FSTL4: variants seen among roughly 807,000 people sequenced by gnomAD.
FSTL4 encodes the protein follistatin like 4, also known as follistatin-related protein 4.
Under a neutral mutation model 78.2 loss-of-function variants are expected in FSTL4, and 28 were observed. The observed-to-expected ratio is 0.36, with a 90% confidence interval of 0.27 to 0.49. FSTL4 has a LOEUF of 0.49. Among genes scored for constraint, FSTL4 ranks in the 20% least tolerant of loss-of-function variants. FSTL4 has a pLI of 0.98. For missense variants in FSTL4, 922 were observed against 1,084.9 expected (o/e 0.85, Z 2.11); for synonymous variants, 422 against 440.5 (o/e 0.96, Z 0.53).
Position 133,535,915 on chromosome 5 carries a change from G to C in FSTL4, c.160+31271C>G, listed in dbSNP as rs80220480. Reference sequence around the variant, plus strand: ...AGTGTCGTCGTTTTGTGTCATAATAGTGCATATGGCACTAGGTTATTATTT... The same window carrying C: ...AGTGTCGTCGTTTTGTGTCATAATACTGCATATGGCACTAGGTTATTATTT... On this transcript the variant is annotated intron_variant, in intron 3 of 15. Transcript: ENST00000265342. 2.4e-3 allele frequency among the ~76,000 whole-genome samples: 361 copies of C among 152,284 alleles called. 2 individuals carry two copies. The highest frequency in any genetic ancestry group is 4.3e-3 in the Non-Finnish European group (295 of 68,030).
chr5:133,395,461 G>C (rs1490690086), intron 4 of FSTL4, among the ~76,000 whole-genome samples: 4 of 152,148 alleles, frequency 2.6e-5, no homozygotes, highest in Admixed American at 2.6e-4. Flanking sequence ...ACAAACTCCG[G>C]ACACACCATC....
the FSTL4 span, among the ~76,000 whole-genome samples, chr5:133,682,291 C>A: frequency 3.9e-5 from 6 of 152,224 alleles, no homozygotes; most frequent in African/African-American, 1.4e-4. Context: ...ATGTCAGAAG[C>A]ACTTCCTTAC....
At chr5:133,467,138 G>A (rs1181114797) in intron 3 of FSTL4, among the ~76,000 whole-genome samples, 1 of 151,930 alleles carries the variant, frequency 6.6e-6, no homozygotes, top group Admixed American at 6.6e-5. Flanking sequence ...GTGTGTGTGT[G>A]TATATGTGTA....
At chr5:133,773,060 T>C in the FSTL4 span, among the ~76,000 whole-genome samples, 2 of 152,074 alleles carry the variant, frequency 1.3e-5, no homozygotes, top group Non-Finnish European at 2.9e-5. Flanking sequence ...AAAAGTTTAA[T>C]TTGTTCTAAT....
At chr5:133,371,345 A>G (rs1173152768) in intron 4 of FSTL4, among the ~76,000 whole-genome samples, 1 of 152,206 alleles carries the variant, frequency 6.6e-6, no homozygotes, top group Non-Finnish European at 1.5e-5. Context: ...CTGACATTTA[A>G]CATATCTACT....
the FSTL4 span, among the ~76,000 whole-genome samples, chr5:133,792,697 T>A: frequency 6.6e-6 from 1 of 152,236 alleles, no homozygotes; most frequent in African/African-American, 2.4e-5. Flanking sequence ...TTTGCTCATC[T>A]TCCCAGAGGA....
the FSTL4 span, among the ~76,000 whole-genome samples, chr5:133,824,263 A>G: frequency 6.6e-6 from 1 of 152,212 alleles, no homozygotes; most frequent in Non-Finnish European, 1.5e-5. Context: ...TATGCTTCTG[A>G]TGGACCCACT....
intron 6 of FSTL4, among the ~76,000 whole-genome samples, chr5:133,309,743 T>A (rs1753733442): frequency 6.6e-6 from 1 of 152,178 alleles, no homozygotes; most frequent in Non-Finnish European, 1.5e-5. Flanking sequence ...CCCAAACCCA[T>A]CATCCTTTAG....
chr5:133,565,902 C>A (rs1048319043), intron 3 of FSTL4, among the ~76,000 whole-genome samples: 2 of 152,202 alleles, frequency 1.3e-5, no homozygotes, highest in Non-Finnish European at 2.9e-5. Context: ...AAGTTCATGT[C>A]AAATTCTCCT....
At chr5:133,728,631 C>CATA in the FSTL4 span, among the ~76,000 whole-genome samples, 1 of 152,170 alleles carries the variant, frequency 6.6e-6, no homozygotes, top group Non-Finnish European at 1.5e-5. Flanking sequence ...TGGAATCAGC[C>CATA]TGCATGAAAT....
Position 133,400,765 on chromosome 5 carries a change from T to A in FSTL4, c.382A>T (p.Ile128Phe). 6.2e-7 allele frequency: 1 copy of A among 1,614,118 alleles called. No individual in the cohort carries two copies. Among genetic ancestry groups the A allele is most frequent in the South Asian group, 1.1e-5 (1 of 91,084 alleles). The change falls in exon 4 of 16, where the codon ATC becomes TTC. Residue 128 changes from isoleucine (I) to phenylalanine (F), a missense_variant. Physicochemically the swap from Ile to Phe is conservative, Grantham distance 21. Coordinates refer to ENST00000265342, the MANE Select transcript of FSTL4 (RefSeq NM_015082.2). ...TTGAGGAAACAGTCCTTGCTGTGGA[T>A]GACGGTGATCCTCTTTCCCAGGAGG... ...ACLLGKRITV[I>F]HSKDCFLKGD...
Position 133,197,084 on chromosome 5 carries a change from T to A in FSTL4, c.*2011A>T, listed in dbSNP as rs556838129. The A allele has an allele frequency of 1.2e-4, 19 of 152,348 alleles. No homozygotes were observed. Among genetic ancestry groups the A allele is most frequent in the African/African-American group, 4.6e-4 (19 of 41,576 alleles). The allele number at this position is 152,348 out of a possible 1,614,324, so 9.4% of individuals were successfully genotyped here. ...AGTTTGGGTCAAACTGGTCTTTGAC[T>A]TAGGAATCCTGCTGCCCAGAGGGGC... On this transcript the variant is annotated 3_prime_UTR_variant, in exon 16 of 16. Coordinates refer to ENST00000265342, the MANE Select transcript of FSTL4 (RefSeq NM_015082.2).
At chr5:133,228,539 A>G (rs1241198302) in intron 8 of FSTL4, among the ~76,000 whole-genome samples, 1 of 152,246 alleles carries the variant, frequency 6.6e-6, no homozygotes, top group African/African-American at 2.4e-5. Flanking sequence ...GGACAAGTCA[A>G]AACTAGCATG....
Position 133,514,178 on chromosome 5 carries a change from CAATGATAATAATAATAAT to C in FSTL4, c.160+52990_160+53007del, listed in dbSNP as rs1251031477. ...TGAGCTAAAGAGCAAGACTCCGTCT[CAATGATAATAATAATAAT>C]AATAATAATAATAATAATAATAATA... On this transcript the variant is annotated intron_variant, in intron 3 of 15. Transcript: ENST00000265342. 9.6e-3 allele frequency among the ~76,000 whole-genome samples: 1,264 copies of C among 131,016 alleles called. 26 individuals carry two copies. The highest frequency in any genetic ancestry group is 0.033 in the African/African-American group (1,182 of 35,718). The allele number at this position is 131,016 out of a possible 152,430, so 86.0% of individuals were successfully genotyped here. A position where few individuals can be genotyped will look rare whatever the true frequency, so the allele number is the denominator to read the frequency against.
intron 3 of FSTL4, among the ~76,000 whole-genome samples, chr5:133,519,881 G>C (rs1758939700): frequency 6.6e-6 from 1 of 152,142 alleles, no homozygotes; most frequent in Admixed American, 6.5e-5. Flanking sequence ...AGGAGATGTA[G>C]GTGTCACCCT....
intron 2 of FSTL4, among the ~76,000 whole-genome samples, chr5:133,594,816 T>C (rs1367278838): frequency 6.6e-6 from 1 of 152,256 alleles, no homozygotes; most frequent in Non-Finnish European, 1.5e-5. Context: ...CTGTTCTCTT[T>C]ACTTAGAGAG....
At chr5:133,496,283 T>C (rs1758365924) in intron 3 of FSTL4, among the ~76,000 whole-genome samples, 1 of 152,176 alleles carries the variant, frequency 6.6e-6, no homozygotes, top group Non-Finnish European at 1.5e-5. Flanking sequence ...AAAGCAATCT[T>C]GTAGATAAAA....
In FSTL4 at chr5:133,199,128, C is replaced by T. The variant is rs1296391273; in HGVS notation, c.2496G>A (p.Gly832=). Residue 832 remains glycine (G), a synonymous_variant, in exon 16 of 16, where the codon GGG becomes GGA. Transcript: ENST00000265342. This position sits in a 1 kb window ranked among gnomAD's most constrained non-coding sequence, Gnocchi z 4.4. ...TLRCEVSGIK[G]GTTVVWVGEV ...CACCCACCCACACCACTGTGGTCCC[C>T]CCCTTTATACCTGACACCTCACACC... 1 of 1,566,922 alleles carries T rather than the reference C, an allele frequency of 6.4e-7. No homozygotes were observed. Among genetic ancestry groups the T allele is most frequent in the African/African-American group, 1.3e-5 (1 of 74,096 alleles).
chr5:133,358,591 CTTT>C (rs1173835923), intron 4 of FSTL4, among the ~76,000 whole-genome samples: 7 of 115,422 alleles, frequency 6.1e-5, no homozygotes, highest in Non-Finnish European at 5.2e-5. Flanking sequence ...GGTTCTATTT[CTTT>C]TTTTTTTTTT....
Sources: allele counts gnomAD v4.1 joint callset (sites outside exome capture counted in the v4.1 genomes callset), GRCh38; gene constraint gnomAD v4.1.1; non-coding constraint Gnocchi (gnomAD v3.1); transcripts MANE v1.5; gene names NCBI Gene and HGNC (gene_info 2026-07-23, HGNC 2026-07-21).